Variants in AP2B1 observed in about 807,000 individuals in gnomAD.
AP2B1 encodes the protein adaptor related protein complex 2 subunit beta 1, also known as AP-2 complex subunit beta.
A neutral mutation model predicts 102.0 loss-of-function variants in AP2B1; 23 were observed. The ratio of observed to expected loss-of-function variants is 0.23; its 90% CI spans 0.16 to 0.32. The LOEUF (loss-of-function observed/expected upper bound fraction) is 0.32. Among genes scored for constraint, AP2B1 ranks in the 10% least tolerant of loss-of-function variants. AP2B1 has a pLI of 1.00. For missense variants in AP2B1, 541 were observed against 1,157.4 expected (o/e 0.47, Z 7.73); for synonymous variants, 381 against 421.2 (o/e 0.90, Z 1.17).
intron 18 of AP2B1, among the ~76,000 whole-genome samples, chr17:35,703,807 G>A (rs149793237): frequency 6.6e-6 from 1 of 152,326 alleles, no homozygotes; most frequent in East Asian, 1.9e-4. Flanking sequence ...TAACAAGCCT[G>A]CACATGTACC....
chr17:35,648,023 C>T (rs576555491), intron 12 of AP2B1, among the ~76,000 whole-genome samples: 12 of 152,004 alleles, frequency 7.9e-5, no homozygotes, highest in African/African-American at 2.4e-4. Context: ...TCCTGAGTAG[C>T]TGGGACTACA....
chr17:35,703,100 A>G (rs190640822), intron 18 of AP2B1, among the ~76,000 whole-genome samples: 581 of 151,458 alleles, frequency 3.8e-3, no homozygotes, highest in African/African-American at 0.013. Context: ...GTGAAACCCC[A>G]TCTCTACTAA....
At chr17:35,717,745 G>C (rs1173539872) in intron 21 of AP2B1, among the ~76,000 whole-genome samples, 8 of 152,174 alleles carry the variant, frequency 5.3e-5, no homozygotes, top group African/African-American at 1.9e-4. Context: ...TGGAGTTCAT[G>C]ACCTAAGGCT....
intron 14 of AP2B1, 126 bp from the exon 15 acceptor site, chr17:35,670,731 G>A: frequency 3.2e-6 from 3 of 936,716 alleles, no homozygotes; most frequent in Non-Finnish European, 3.4e-6. Flanking sequence ...TAGGCTTTGG[G>A]AGACAAGTTG....
chr17:35,653,470 T>G (rs2075140539), intron 13 of AP2B1, among the ~76,000 whole-genome samples: 1 of 152,144 alleles, frequency 6.6e-6, no homozygotes, highest in African/African-American at 2.4e-5. Context: ...GTTTATTTGT[T>G]TGTTTGTTTT....
In AP2B1 at chr17:35,627,612, C is replaced by T. The variant is rs746248582; in HGVS notation, c.1060-19C>T. 1.4e-5 allele frequency: 22 copies of T among 1,613,184 alleles called. No individual in the cohort carries two copies. The highest frequency in any genetic ancestry group is 1.7e-4 in the Middle Eastern group (1 of 6,058). On this transcript the variant is annotated intron_variant, in intron 8 of 21. Transcript: ENST00000610402. ...TATTTGAGAATCCTTAATGATTAACCACTTCCTGGGTTTAACAGGTTCTGG... is the reference window on the plus strand; with the variant it reads ...TATTTGAGAATCCTTAATGATTAACTACTTCCTGGGTTTAACAGGTTCTGG...
chr17:35,621,421 G>T, intron 5 of AP2B1: 5 of 843,246 alleles, frequency 5.9e-6, no homozygotes, highest in Non-Finnish European at 7.1e-6. Flanking sequence ...GAGATTAGGA[G>T]ATGAAAGTGT....
At chr17:35,604,888 A>G (rs1397445704) in intron 3 of AP2B1, among the ~76,000 whole-genome samples, 1 of 152,356 alleles carries the variant, frequency 6.6e-6, no homozygotes, top group South Asian at 2.1e-4. Context: ...TTCTAAAACT[A>G]TAGAGACCTT....
chr17:35,693,356 T>C (rs938815025), intron 18 of AP2B1, among the ~76,000 whole-genome samples: 3 of 152,248 alleles, frequency 2.0e-5, no homozygotes, highest in Admixed American at 2.0e-4. Flanking sequence ...CTTTAGGTTC[T>C]ATCTGTAGAT....
At chr17:35,646,643 T>C (rs11870475) in intron 12 of AP2B1, among the ~76,000 whole-genome samples, 9,083 of 147,852 alleles carry the variant, frequency 0.061, 400 homozygotes, top group East Asian at 0.15. Flanking sequence ...TGGAGTGCGG[T>C]GGTGCAATCT....
At chr17:35,670,940 CCT>C in intron 15 of AP2B1, 42 bp downstream of exon 15, 2 of 1,603,358 alleles carry the variant, frequency 1.2e-6, no homozygotes, top group East Asian at 2.2e-5. Context: ...AGCACTGCCC[CCT>C]GTTTGATGCC....
intron 18 of AP2B1, among the ~76,000 whole-genome samples, chr17:35,703,538 A>T (rs2076281234): frequency 6.6e-6 from 1 of 152,184 alleles, no homozygotes; most frequent in Non-Finnish European, 1.5e-5. Context: ...AGGAGCATAG[A>T]TGGAGCTGGA....
intron 5 of AP2B1, among the ~76,000 whole-genome samples, chr17:35,609,798 T>C (rs903891140): frequency 1.1e-4 from 17 of 152,204 alleles, no homozygotes; most frequent in Admixed American, 1.0e-3. Flanking sequence ...GAATTAGAAT[T>C]TGGCTGGACA....
intron 5 of AP2B1, among the ~76,000 whole-genome samples, chr17:35,620,485 TA>T (rs1437697708): frequency 6.6e-6 from 1 of 152,110 alleles, no homozygotes; most frequent in Non-Finnish European, 1.5e-5. Flanking sequence ...AAATCCTATT[TA>T]AAAATTCATT....
chr17:35,592,742 C>T (rs764719814), intron 1 of AP2B1, among the ~76,000 whole-genome samples: 1 of 152,124 alleles, frequency 6.6e-6, no homozygotes, highest in African/African-American at 2.4e-5. Flanking sequence ...AGGATTTCAC[C>T]ATGTTGGCGA....
rs761290352 is a variant in AP2B1 at position 35,594,059 on chromosome 17, A to T, written c.29A>T (p.Asn10Ile). 6.3e-7 allele frequency: 1 copy of T among 1,592,490 alleles called. No homozygotes were observed. Among genetic ancestry groups the T allele is most frequent in the Non-Finnish European group, 8.6e-7 (1 of 1,167,692 alleles). ...ACTGACTCCAAGTATTTCACAACCA[A>T]TAAAAAAGGTAAGTATGAGAATACA... The part of the protein sequence containing the change: MTDSKYFTT[N>I]KKGEIFELKA... The change falls in exon 2 of 22, where the codon AAT becomes ATT. Residue 10 changes from asparagine (N) to isoleucine (I), a missense_variant. Physicochemically the swap from Asn to Ile is moderately radical, Grantham distance 149. Around this residue, in one of 10 missense-constraint regions of AP2B1, gnomAD observed 9 missense variants for 50.5 expected, o/e 0.18. Transcript: ENST00000610402.
chr17:35,620,458 CCAAA>C lies in AP2B1; in HGVS notation c.526-3933_526-3930del, dbSNP rs3031832. 5.0e-3 allele frequency among the ~76,000 whole-genome samples: 762 copies of C among 152,204 alleles called. 2 individuals are homozygous for C. The highest frequency in any genetic ancestry group is 8.3e-3 in the Non-Finnish European group (562 of 68,010). On this transcript the variant is annotated intron_variant, in intron 5 of 21. Coordinates refer to ENST00000610402, the MANE Select transcript of AP2B1 (RefSeq NM_001030006.2). Reference sequence around the variant, plus strand: ...GACCCTGTCTCTTAAAACCAACCAACCAAACAAACCCCAAGGAAATCCTATTTAA... The same window carrying C: ...GACCCTGTCTCTTAAAACCAACCAACCAAACCCCAAGGAAATCCTATTTAA...
chr17:35,722,761 A>G (rs587733257), intron 21 of AP2B1, among the ~76,000 whole-genome samples: 2 of 152,314 alleles, frequency 1.3e-5, no homozygotes, highest in Admixed American at 6.5e-5. Context: ...ATATATAGCT[A>G]TTAAATTTTC....
intron 18 of AP2B1, among the ~76,000 whole-genome samples, chr17:35,691,536 C>G (rs954059443): frequency 6.6e-6 from 1 of 152,204 alleles, no homozygotes; most frequent in Non-Finnish European, 1.5e-5. Context: ...TTGAAGCCTT[C>G]TTTGGTCTTC....
Sources: allele counts gnomAD v4.1 joint callset (sites outside exome capture counted in the v4.1 genomes callset), GRCh38; gene constraint gnomAD v4.1.1; regional missense constraint gnomAD v4.1.1; transcripts MANE v1.5; gene names NCBI Gene and HGNC (gene_info 2026-07-23, HGNC 2026-07-21).